WDR35: variants seen among roughly 807,000 people sequenced by gnomAD.
WDR35 encodes the protein WD repeat domain 35.
Under a neutral mutation model 158.3 loss-of-function variants are expected in WDR35, and 118 were observed. The ratio of observed to expected loss-of-function variants is 0.75; its 90% confidence interval spans 0.64 to 0.87. WDR35 has a LOEUF of 0.87. WDR35 is among the 40% of genes least tolerant of loss of function. The probability of loss-of-function intolerance (pLI) is 0.00; values close to 1 mark genes in which losing one functional copy is unlikely to be tolerated. For synonymous variants in WDR35, 448 were observed against 476.1 expected (o/e 0.94, Z 0.77); for missense variants, 1,263 against 1,405.8 (o/e 0.90, Z 1.62).
At chr2:19,951,971 T>A (rs1671250458) in intron 12 of WDR35, 1 of 154,702 alleles carries the variant, frequency 6.5e-6, no homozygotes, top group South Asian at 2.0e-4. Flanking sequence ...GGAAGGGGTA[T>A]CACTTTTGGA....
Position 19,911,121 on chromosome 2 carries a change from G to C in WDR35, c.*2437C>G, listed in dbSNP as rs892958832. 1 of 152,140 alleles carries C rather than the reference G, an allele frequency of 6.6e-6. No homozygotes were observed. The highest frequency in any genetic ancestry group is 2.4e-5 in the African/African-American group (1 of 41,434). 9.4% of individuals were successfully genotyped at this position (152,140 alleles called of 1,614,324 possible). Reference sequence around the variant, plus strand: ...TTGGTGGGAAAATTCTAGGGCTCAGGCAGCACAGAATTAGGGGGAAATGAG... The same window carrying C: ...TTGGTGGGAAAATTCTAGGGCTCAGCCAGCACAGAATTAGGGGGAAATGAG... On this transcript the variant is annotated 3_prime_UTR_variant, in exon 27 of 27. Transcript: ENST00000281405.
intron 10 of WDR35, among the ~76,000 whole-genome samples, chr2:19,961,379 C>A (rs1297788128): frequency 1.3e-5 from 2 of 152,228 alleles, no homozygotes; most frequent in Non-Finnish European, 2.9e-5. Flanking sequence ...ATAGTCAACA[C>A]TATAGACATC....
chr2:19,976,956 A>C (rs755196368), intron 5 of WDR35, among the ~76,000 whole-genome samples: 6 of 151,958 alleles, frequency 3.9e-5, no homozygotes, highest in Non-Finnish European at 8.8e-5. Context: ...GGTGATTGGG[A>C]CTACAGGAGT....
chr2:19,941,689 A>T, intron 17 of WDR35, 70 bp downstream of exon 17: 2 of 1,157,268 alleles, frequency 1.7e-6, no homozygotes, highest in Non-Finnish European at 2.5e-6. Flanking sequence ...TAACCAGGAT[A>T]CTACACCGCC....
At chr2:19,928,481 T>C (rs1424449691) in intron 25 of WDR35, among the ~76,000 whole-genome samples, 1 of 152,176 alleles carries the variant, frequency 6.6e-6, no homozygotes, top group East Asian at 1.9e-4. Flanking sequence ...GCCGCTTGGT[T>C]AGGGTCTCCC....
At position 19,933,433 on chromosome 2, in the gene WDR35, C is replaced by T. The variant is rs766134988; in HGVS notation, c.2626G>A (p.Ala876Thr). 5.6e-6 allele frequency: 9 copies of T among 1,613,832 alleles called. No individual in the cohort carries two copies. The highest frequency in any genetic ancestry group is 4.2e-6 in the Non-Finnish European group (5 of 1,179,954). ...AGATGTACGCAGGTATCTACTGCTG[C>T]CTTTGGTTGACTACATTTCAAAAAT... ...TAFLKCSQPK[A>T]AVDTCVHLNQ... Residue 876 changes from alanine (A) to threonine (T), a missense_variant, in exon 22 of 27, where the codon GCA (alanine) becomes ACA (threonine). Physicochemically the swap from Ala to Thr is moderately conservative, Grantham distance 58. Transcript: ENST00000281405.
chr2:19,989,606 A>T (rs1473673523), intron 1 of WDR35, among the ~76,000 whole-genome samples: 2 of 152,186 alleles, frequency 1.3e-5, no homozygotes. Context: ...CTTTTTACCT[A>T]CAACTTAGGC....
In WDR35 at chr2:19,933,527, A is replaced by T; in HGVS notation, c.2548-16T>A. The T allele has an allele frequency of 6.3e-7, 1 of 1,598,854 alleles. No homozygotes were observed. ...GTGCTATTTCCTGTACAAACAAAAC[A>T]ATACTATCAGATTTCACAGACCAAG... is the stretch of plus-strand genomic sequence containing the variant. On this transcript the variant is annotated splice_polypyrimidine_tract_variant and intron_variant, in intron 21 of 26. Coordinates refer to ENST00000281405, the MANE Select transcript of WDR35 (RefSeq NM_020779.4).
intron 8 of WDR35, among the ~76,000 whole-genome samples, chr2:19,971,917 C>T (rs763680156): frequency 3.9e-5 from 6 of 152,164 alleles, no homozygotes; most frequent in African/African-American, 9.7e-5. Context: ...AGCACCATGA[C>T]GTATTTCCTT....
intron 10 of WDR35, 70 bp downstream of exon 10, chr2:19,966,654 T>C: frequency 6.4e-7 from 1 of 1,566,222 alleles, no homozygotes; most frequent in Non-Finnish European, 8.8e-7. Flanking sequence ...GAGGCCATGC[T>C]TGAAAAGGTA....
At chr2:19,938,166 C>G in intron 18 of WDR35, 99 bp downstream of exon 18, 2 of 1,528,528 alleles carry the variant, frequency 1.3e-6, no homozygotes, top group Non-Finnish European at 1.8e-6. Flanking sequence ...GAATGGAAGT[C>G]TGCTCCCATC....
rs1285760070 is a variant in WDR35 at position 19,973,708 on chromosome 2, T to C, written c.737A>G (p.Asn246Ser). The change falls in exon 8 of 27, where the codon AAT becomes AGT. Residue 246 changes from asparagine (N) to serine (S), a missense_variant and splice_region_variant. Coordinates refer to ENST00000281405, the MANE Select transcript of WDR35 (RefSeq NM_020779.4). ...CATGCCAGTGTCAATCAAAACGGGA[T>C]CTAGTCAGAAAGAGAAAAATGAGGT... ...CQIMRHENDQNPVLIDTGMYV... is the reference protein window; with the variant it reads ...CQIMRHENDQSPVLIDTGMYV... 2.5e-6 allele frequency: 4 copies of C among 1,612,764 alleles called. No homozygotes were observed. The highest frequency in any genetic ancestry group is 3.4e-6 in the Non-Finnish European group (4 of 1,179,292).
chr2:19,967,670 C>G (rs1478473062), intron 9 of WDR35, among the ~76,000 whole-genome samples: 4 of 151,968 alleles, frequency 2.6e-5, no homozygotes, highest in Admixed American at 6.6e-5. Context: ...ACAAACTAAG[C>G]TAAACCATGT....
intron 24 of WDR35, 22 bp downstream of exon 24, chr2:19,931,247 G>A (rs1462022186): frequency 1.3e-6 from 2 of 1,596,290 alleles, no homozygotes. Context: ...ATGATGTAAT[G>A]TTATTTAACG....
intron 9 of WDR35, among the ~76,000 whole-genome samples, chr2:19,968,407 C>A (rs1240873320): frequency 6.6e-6 from 1 of 152,238 alleles, no homozygotes; most frequent in African/African-American, 2.4e-5. Context: ...TGGAATAATT[C>A]TGTAAGGAAG....
chr2:19,936,670 T>C (rs1483424505), intron 19 of WDR35, among the ~76,000 whole-genome samples: 1 of 152,182 alleles, frequency 6.6e-6, no homozygotes, highest in Non-Finnish European at 1.5e-5. Context: ...AATGCCCTCA[T>C]AAAAGACTCC....
chr2:19,961,097 T>A (rs969426964), intron 10 of WDR35, among the ~76,000 whole-genome samples: 1 of 152,202 alleles, frequency 6.6e-6, no homozygotes, highest in African/African-American at 2.4e-5. Flanking sequence ...ACATTAATTC[T>A]GCTAAAATTG....
intron 10 of WDR35, among the ~76,000 whole-genome samples, chr2:19,966,366 T>G (rs1360422207): frequency 2.6e-5 from 4 of 152,252 alleles, no homozygotes; most frequent in African/African-American, 9.6e-5. Context: ...CAAGTGTTCA[T>G]TGCTGCATAA....
chr2:19,963,635 A>G (rs947605125), intron 10 of WDR35, among the ~76,000 whole-genome samples: 13 of 152,222 alleles, frequency 8.5e-5, no homozygotes, highest in African/African-American at 3.1e-4. Flanking sequence ...TTGTTAGACT[A>G]TTTCCTAAAG....
Sources: gnomAD v4.1 joint callset for allele counts (sites outside exome capture counted in the v4.1 genomes callset) on GRCh38, gnomAD v4.1.1 for gene constraint, MANE v1.5 for transcripts, NCBI Gene and HGNC (gene_info 2026-07-23, HGNC 2026-07-21) for gene names.